NARS2: variants seen among roughly 807,000 people sequenced by gnomAD.
NARS2 encodes asparaginyl-tRNA synthetase.
A neutral mutation model predicts 62.9 loss-of-function variants in NARS2; 60 were observed. The observed-to-expected ratio is 0.95, with a 90% CI of 0.77 to 1.18. The LOEUF (loss-of-function observed/expected upper bound fraction) is 1.18, where lower values mean the gene tolerates loss of function less well. Ranked by LOEUF, NARS2 falls within the 50% of genes most tolerant of loss-of-function variation. The pLI, the probability that NARS2 is intolerant of heterozygous loss-of-function variation, is 0.00. For missense variants in NARS2, 619 were observed against 576.4 expected (o/e 1.07, Z -0.76); for synonymous variants, 196 against 200.0 (o/e 0.98, Z 0.17).
intron 6 of NARS2, among the ~76,000 whole-genome samples, chr11:78,509,048 G>C (rs886667260): frequency 6.6e-6 from 1 of 151,552 alleles, no homozygotes; most frequent in African/African-American, 2.4e-5. Context: ...CCAGGAGGTG[G>C]AGGTTGCAGT....
intron 6 of NARS2, among the ~76,000 whole-genome samples, chr11:78,500,921 G>T (rs750024617): frequency 6.6e-6 from 1 of 152,010 alleles, no homozygotes; most frequent in African/African-American, 2.4e-5. Flanking sequence ...GTGAAACCCC[G>T]TCTCTACAAA....
rs114637680 is a variant in NARS2 at position 78,512,084 on chromosome 11, T to C, written c.689+16758A>G. Among the ~76,000 whole-genome samples the C allele has an allele frequency of 1.7e-3, 266 of 152,318 alleles. 3 individuals carry two copies. The highest frequency in any genetic ancestry group is 6.8e-3 in the Middle Eastern group (2 of 294). ...AGTGACACCTCATTGCCAACATAAATGACTACAGCTCTTAGGGCAGATTAT... is the reference window on the plus strand; with the variant it reads ...AGTGACACCTCATTGCCAACATAAACGACTACAGCTCTTAGGGCAGATTAT... On this transcript the variant is annotated intron_variant, in intron 6 of 13. Transcript: ENST00000281038.
intron 4 of NARS2, among the ~76,000 whole-genome samples, chr11:78,560,166 A>C (rs1856508888): frequency 6.6e-6 from 1 of 152,228 alleles, no homozygotes; most frequent in Non-Finnish European, 1.5e-5. Flanking sequence ...GAGACTGAAT[A>C]AACAAACAGC....
intron 5 of NARS2, among the ~76,000 whole-genome samples, chr11:78,554,095 C>G (rs190260110): frequency 2.6e-5 from 4 of 152,236 alleles, no homozygotes; most frequent in African/African-American, 9.6e-5. Flanking sequence ...TTCCATTGGT[C>G]TATGTGCCTG....
At chr11:78,484,942 T>C (rs779721535) in intron 7 of NARS2, among the ~76,000 whole-genome samples, 3 of 152,212 alleles carry the variant, frequency 2.0e-5, no homozygotes, top group Admixed American at 6.5e-5. Flanking sequence ...CACATGTTTA[T>C]TGCAGTACTA....
chr11:78,542,113 C>T (rs1033994289), intron 5 of NARS2, among the ~76,000 whole-genome samples: 11 of 152,182 alleles, frequency 7.2e-5, no homozygotes, highest in Admixed American at 7.2e-4. Flanking sequence ...GGTTCATTTA[C>T]ATTCCAGAAC....
intron 11 of NARS2, among the ~76,000 whole-genome samples, chr11:78,445,736 G>A (rs1363555650): frequency 6.6e-6 from 1 of 152,090 alleles, no homozygotes; most frequent in Non-Finnish European, 1.5e-5. Flanking sequence ...GACTGCTTGA[G>A]GCCAGGAATT....
intron 9 of NARS2, among the ~76,000 whole-genome samples, chr11:78,470,898 T>TTG (rs1443446271): frequency 6.6e-6 from 1 of 151,216 alleles, no homozygotes; most frequent in Admixed American, 6.6e-5. Flanking sequence ...TTTTTTTTTT[T>TTG]TTTTACAAAA....
At chr11:78,450,358 C>T (rs543870172) in intron 11 of NARS2, among the ~76,000 whole-genome samples, 1 of 152,184 alleles carries the variant, frequency 6.6e-6, no homozygotes, top group Non-Finnish European at 1.5e-5. Flanking sequence ...TAGAAGACAT[C>T]TGGATACAGT....
chr11:78,550,983 T>C (rs57350156), intron 5 of NARS2, among the ~76,000 whole-genome samples: 3,625 of 152,122 alleles, frequency 0.024, 133 homozygotes, highest in African/African-American at 0.083. Flanking sequence ...AGACCATACA[T>C]TGTACGATTC....
At chr11:78,452,740 C>T (rs1195154113) in intron 11 of NARS2, among the ~76,000 whole-genome samples, 1 of 152,126 alleles carries the variant, frequency 6.6e-6, no homozygotes, top group Admixed American at 6.6e-5. Flanking sequence ...TAAATAATGG[C>T]ATAGGAACCC....
chr11:78,473,001 G>A (rs753088393), intron 9 of NARS2, among the ~76,000 whole-genome samples: 14 of 152,138 alleles, frequency 9.2e-5, no homozygotes, highest in Non-Finnish European at 1.6e-4. Flanking sequence ...ATGCATATCT[G>A]ACTTAACAGT....
intron 7 of NARS2, among the ~76,000 whole-genome samples, chr11:78,490,890 A>C (rs1859790446): frequency 6.6e-6 from 1 of 152,254 alleles, no homozygotes; most frequent in Admixed American, 6.5e-5. Flanking sequence ...CTGAATGCAA[A>C]GGTGAAAATC....
At chr11:78,533,911 T>G (rs2135439700) in intron 5 of NARS2, among the ~76,000 whole-genome samples, 1 of 152,344 alleles carries the variant, frequency 6.6e-6, no homozygotes, top group East Asian at 1.9e-4. Context: ...ATGTAGCCTT[T>G]TCAGATTGGT....
At chr11:78,453,428 AC>A (rs1858042579) in intron 11 of NARS2, among the ~76,000 whole-genome samples, 1 of 152,128 alleles carries the variant, frequency 6.6e-6, no homozygotes, top group Admixed American at 6.6e-5. Context: ...CAATCAATGC[AC>A]TGAAAATAAA....
intron 11 of NARS2, among the ~76,000 whole-genome samples, chr11:78,462,183 T>C (rs754264041): frequency 1.3e-5 from 2 of 152,024 alleles, no homozygotes; most frequent in Non-Finnish European, 2.9e-5. Flanking sequence ...GAAAAATACA[T>C]GGTGTGTGTG....
chr11:78,569,384 G>C (rs1856842447), intron 2 of NARS2, among the ~76,000 whole-genome samples: 1 of 152,090 alleles, frequency 6.6e-6, no homozygotes, highest in Admixed American at 6.6e-5. Context: ...CGAACACCTG[G>C]GCTCAAGCAA....
chr11:78,540,578 T>C (rs1393064008), intron 5 of NARS2, among the ~76,000 whole-genome samples: 2 of 152,222 alleles, frequency 1.3e-5, no homozygotes, highest in Non-Finnish European at 2.9e-5. Context: ...CCCCCACCTT[T>C]TACCCAGTTC....
chr11:78,461,209 G>A (rs938165712), intron 11 of NARS2, among the ~76,000 whole-genome samples: 1 of 152,070 alleles, frequency 6.6e-6, no homozygotes, highest in Non-Finnish European at 1.5e-5. Context: ...ACTTCTGAGA[G>A]AATAAACAGT....
Sources: gnomAD v4.1 joint callset for allele counts (sites outside exome capture counted in the v4.1 genomes callset) on GRCh38, gnomAD v4.1.1 for gene constraint, MANE v1.5 for transcripts, NCBI Gene and HGNC (gene_info 2026-07-23, HGNC 2026-07-21) for gene names.